ACTN4: variants seen among roughly 807,000 people sequenced by gnomAD.
ACTN4 encodes alpha-actinin-4.
A neutral mutation model predicts 114.2 loss-of-function variants in ACTN4; 18 were observed. The ratio of observed to expected loss-of-function variants is 0.16; its 90% CI spans 0.11 to 0.23. The LOEUF is 0.23. ACTN4 is among the 10% of genes least tolerant of loss of function. The pLI is 1.00. For synonymous variants in ACTN4, 515 were observed against 506.3 expected, an observed-to-expected ratio of 1.02 and a Z score of -0.23; for missense variants, 722 against 1,262.9, an observed-to-expected ratio of 0.57 and a Z score of 6.49.
chr19:38,701,200 A>G, intron 3 of ACTN4, 79 bp downstream of exon 3: 1 of 1,601,876 alleles, frequency 6.2e-7, no homozygotes, highest in Non-Finnish European at 8.5e-7. Context: ...TGCATCCTGA[A>G]GAGAAGTTTT....
intron 1 of ACTN4, among the ~76,000 whole-genome samples, chr19:38,659,457 T>C (rs1368997976): frequency 6.6e-6 from 1 of 152,162 alleles, no homozygotes; most frequent in Non-Finnish European, 1.5e-5. Flanking sequence ...GTTAATAGAT[T>C]GTGGCTTGAA....
Position 38,729,674 on chromosome 19 carries a change from A to G in ACTN4, c.*242A>G, listed in dbSNP as rs1969412785. On this transcript the variant is annotated 3_prime_UTR_variant, in exon 21 of 21. Coordinates refer to ENST00000252699, the MANE Select transcript of ACTN4 (RefSeq NM_004924.6). ...AGCGCTTCTGGTCTGGTAAATATGT[A>G]TGATGTGTTGTGCTTTTTTAACCAA... 1 of 693,718 alleles carries G rather than the reference A, an allele frequency of 1.4e-6. No homozygotes were observed. Among genetic ancestry groups the G allele is most frequent in the East Asian group, 2.8e-5 (1 of 35,816 alleles). 43.0% of individuals were successfully genotyped at this position (693,718 alleles called of 1,614,324 possible).
chr19:38,696,109 A>G (rs1195480729), intron 1 of ACTN4, among the ~76,000 whole-genome samples: 1 of 151,992 alleles, frequency 6.6e-6, no homozygotes, highest in Non-Finnish European at 1.5e-5. Context: ...GCCCGCCCCT[A>G]GTAGACTCTA....
Position 38,657,274 on chromosome 19 carries a change from C to T in ACTN4, c.162+9367C>T, listed in dbSNP as rs536307064. On this transcript the variant is annotated intron_variant, in intron 1 of 20. Transcript: ENST00000252699. ...TCTCCTGCCTCAGCTTCCCAAGTAG[C>T]TGGGATTACAGGCGCGCGCCACGAC... 7.2e-5 allele frequency among the ~76,000 whole-genome samples: 11 copies of T among 152,144 alleles called. 1 individual carries two copies. The South Asian group carries it at 2.3e-3, about 32-fold the overall frequency.
Position 38,676,929 on chromosome 19 carries a change from T to C in ACTN4, c.163-23671T>C, listed in dbSNP as rs192671264. Among the ~76,000 whole-genome samples, 196 of 152,274 alleles carry C rather than the reference T, an allele frequency of 1.3e-3. 4 individuals are homozygous for C. In the South Asian group the frequency reaches 0.027, roughly 21 times the overall value. ...ACATCCTGCTTGACATCTTGATCAGTGTCCCTTGCCCTCAGGATCAAACCT... is the reference window on the plus strand; with the variant it reads ...ACATCCTGCTTGACATCTTGATCAGCGTCCCTTGCCCTCAGGATCAAACCT... On this transcript the variant is annotated intron_variant, in intron 1 of 20. Transcript: ENST00000252699.
At position 38,726,989 on chromosome 19, in the gene ACTN4, C is replaced by T; in HGVS notation, c.2223C>T (p.Thr741=). ...HIRVGWEQLL[T]TIARTINEVE... ...GCGTGGGCTGGGAGCAGCTGCTCAC[C>T]ACCATTGCCCGCACCATCAACGAGG... Residue 741 remains threonine, a synonymous_variant, in exon 18 of 21, where the codon ACC becomes ACT. Coordinates refer to ENST00000252699, the MANE Select transcript of ACTN4 (RefSeq NM_004924.6). 6.2e-7 allele frequency: 1 copy of T among 1,614,106 alleles called. No individual in the cohort carries two copies. Among genetic ancestry groups the T allele is most frequent in the African/African-American group, 1.3e-5 (1 of 75,050 alleles).
At chr19:38,659,065 C>CTTTTCTTTTTT (rs1555822759) in intron 1 of ACTN4, among the ~76,000 whole-genome samples, 4 of 111,692 alleles carry the variant, frequency 3.6e-5, no homozygotes, top group African/African-American at 1.3e-4. Context: ...CTTTTCTTTT[C>CTTTTCTTTTTT]TTTTTTTTTT....
rs1422624416 is a variant in ACTN4, at chr19:38,730,412, T to A, written c.*980T>A. ...GATGGCCTGGCTGCCTGGTGGTTGATGGTTTTGCTCCCCCTACCTTTTTTT... is the reference window on the plus strand; with the variant it reads ...GATGGCCTGGCTGCCTGGTGGTTGAAGGTTTTGCTCCCCCTACCTTTTTTT... On this transcript the variant is annotated 3_prime_UTR_variant, in exon 21 of 21. Coordinates refer to ENST00000252699, the MANE Select transcript of ACTN4 (RefSeq NM_004924.6). The A allele has an allele frequency of 5.4e-6, 1 of 184,226 alleles. No individual in the cohort carries two copies. The highest frequency in any genetic ancestry group is 1.2e-5 in the Non-Finnish European group (1 of 86,426). 11.4% of individuals were successfully genotyped at this position (184,226 alleles called of 1,614,324 possible).
rs754159018 is a variant in ACTN4, at chr19:38,721,623, C to T, written c.1377C>T (p.Phe459=). Residue 459 remains phenylalanine (F), a synonymous_variant, in exon 12 of 21, where the codon TTC becomes TTT. Transcript: ENST00000252699. The stretch of plus-strand genomic sequence containing the variant: ...CCCTCATTCGCAAGCACGAGGCCTT[C>T]GAGAGCGACCTGGCTGCGCACCAGG... The part of the protein sequence containing the change: ...IKALIRKHEA[F]ESDLAAHQDR... 122 of 1,613,968 alleles carry T rather than the reference C, an allele frequency of 7.6e-5. 1 individual carries two copies. Among genetic ancestry groups the T allele is most frequent in the South Asian group, 1.6e-4 (15 of 91,094 alleles).
At chr19:38,703,599 C>T (rs1968356819) in intron 3 of ACTN4, among the ~76,000 whole-genome samples, 1 of 152,156 alleles carries the variant, frequency 6.6e-6, no homozygotes, top group African/African-American at 2.4e-5. Context: ...CAGGCCCGTG[C>T]TCTCCCCTTC....
At position 38,724,296 on chromosome 19, in the gene ACTN4, A is replaced by G; in HGVS notation, c.1832A>G (p.Tyr611Cys). The G allele has an allele frequency of 6.2e-7, 1 of 1,613,496 alleles. No homozygotes were observed. Among genetic ancestry groups the G allele is most frequent in the Non-Finnish European group, 8.5e-7 (1 of 1,179,920 alleles). ...NHIKLSGSNP[Y>C]TTVTPQIINS... ...ATCAAGCTGTCGGGCAGCAACCCCT[A>G]CACCACCGTCACCCCGCAAATCATC... Residue 611 changes from tyrosine to cysteine, a missense_variant, in exon 15 of 21, where the codon TAC becomes TGC. Transcript: ENST00000252699. This position sits in a 1 kb window ranked among gnomAD's most constrained non-coding sequence, Gnocchi z 7.0.
intron 1 of ACTN4, 126 bp downstream of exon 1, chr19:38,648,033 G>T: frequency 8.4e-7 from 1 of 1,191,440 alleles, no homozygotes; most frequent in East Asian, 3.2e-5. Flanking sequence ...GAAGGAATTG[G>T]CGGGTCCGGG....
rs1174681138 is a variant in ACTN4 at position 38,724,267 on chromosome 19, C to T, written c.1803C>T (p.Asn601=). ...AGGCCCAGAGGATCGCTGAGAGCAA[C>T]CACATCAAGCTGTCGGGCAGCAACC... ...HKEAQRIAES[N]HIKLSGSNPY... The change falls in exon 15 of 21, where the codon AAC becomes AAT. Residue 601 remains asparagine (N), a synonymous_variant. Coordinates refer to ENST00000252699, the MANE Select transcript of ACTN4 (RefSeq NM_004924.6). This position sits in a 1 kb window ranked among gnomAD's most constrained non-coding sequence, Gnocchi z 7.0. 3.7e-6 allele frequency: 6 copies of T among 1,613,954 alleles called. No homozygotes were observed. In the South Asian group the frequency reaches 6.6e-5, roughly 18 times the overall value.
At chr19:38,696,555 G>A (rs965279182) in intron 1 of ACTN4, among the ~76,000 whole-genome samples, 5 of 152,128 alleles carry the variant, frequency 3.3e-5, no homozygotes, top group South Asian at 2.1e-4. Flanking sequence ...TGTCCCATTC[G>A]AACTCCAGCT....
intron 1 of ACTN4, among the ~76,000 whole-genome samples, chr19:38,654,262 T>G (rs1159309114): frequency 6.6e-6 from 1 of 152,130 alleles, no homozygotes; most frequent in African/African-American, 2.4e-5. Context: ...GGATCCCGCC[T>G]CCTCCAGAAA....
intron 8 of ACTN4, among the ~76,000 whole-genome samples, chr19:38,711,953 C>T (rs1368670540): frequency 2.6e-5 from 4 of 152,222 alleles, no homozygotes; most frequent in African/African-American, 7.2e-5. Context: ...TCAGCGTTCA[C>T]GCAGAGGCCC....
At chr19:38,705,583 T>C (rs916618211) in intron 4 of ACTN4, among the ~76,000 whole-genome samples, 2 of 152,222 alleles carry the variant, frequency 1.3e-5, no homozygotes, top group African/African-American at 2.4e-5. Context: ...GCTCCCGGTC[T>C]GTGAGGACAG....
intron 8 of ACTN4, chr19:38,710,731 T>A (rs1387168336): frequency 2.9e-6 from 1 of 348,392 alleles, no homozygotes; most frequent in Non-Finnish European, 5.6e-6. Flanking sequence ...AGGGGTGAAG[T>A]GAGCAGGTAC....
intron 1 of ACTN4, among the ~76,000 whole-genome samples, chr19:38,669,064 G>A (rs930300823): frequency 9.2e-5 from 14 of 152,108 alleles, no homozygotes; most frequent in African/African-American, 3.4e-4. Context: ...TTGGCTCACT[G>A]CAACCTCTGT....
Sources: allele counts gnomAD v4.1 joint callset (sites outside exome capture counted in the v4.1 genomes callset), GRCh38; gene constraint gnomAD v4.1.1; non-coding constraint Gnocchi (gnomAD v3.1); transcripts MANE v1.5; gene names NCBI Gene and HGNC (gene_info 2026-07-23, HGNC 2026-07-21).